The following TNS3 variants were observed in gnomAD, a reference collection of about 807,000 sequenced individuals.
The protein encoded by TNS3 is tensin 3.
A neutral mutation model predicts 140.9 loss-of-function variants in TNS3; 45 were observed. That is an observed-to-expected ratio of 0.32 (90% CI 0.25 to 0.41). The LOEUF (loss-of-function observed/expected upper bound fraction) is 0.41, where lower values mean the gene tolerates loss of function less well. Among genes scored for constraint, TNS3 ranks in the 10% least tolerant of loss-of-function variants. The pLI, the probability that TNS3 is intolerant of heterozygous loss-of-function variation, is 1.00. For missense variants in TNS3, 1,716 were observed against 1,906.7 expected, an observed-to-expected ratio of 0.90 and a Z score of 1.86; for synonymous variants, 815 against 788.4, an observed-to-expected ratio of 1.03 and a Z score of -0.56.
chr7:47,311,101 G>C (rs1398378446), intron 20 of TNS3, among the ~76,000 whole-genome samples: 3 of 152,170 alleles, frequency 2.0e-5, no homozygotes, highest in Non-Finnish European at 4.4e-5. Flanking sequence ...GGATCACTGG[G>C]TCAATAGTAT....
chr7:47,565,178 C>T (rs1183718433), intron 1 of TNS3, among the ~76,000 whole-genome samples: 7 of 151,044 alleles, frequency 4.6e-5, no homozygotes, highest in African/African-American at 1.7e-4. Flanking sequence ...CCTGGGTTCA[C>T]ACCATTCTCC....
chr7:47,472,312 T>C (rs1170775596), intron 4 of TNS3, among the ~76,000 whole-genome samples: 1 of 152,160 alleles, frequency 6.6e-6, no homozygotes, highest in African/African-American at 2.4e-5. Flanking sequence ...CTACAGATGG[T>C]TCTCTGGGAT....
At chr7:47,489,371 G>C (rs141866359) in intron 3 of TNS3, among the ~76,000 whole-genome samples, 1 of 152,164 alleles carries the variant, frequency 6.6e-6, no homozygotes, top group Non-Finnish European at 1.5e-5. Flanking sequence ...GCTTGGTCTC[G>C]GCTCTTCTCA....
At chr7:47,390,200 C>T (rs1197764296) in intron 16 of TNS3, among the ~76,000 whole-genome samples, 2 of 152,232 alleles carry the variant, frequency 1.3e-5, no homozygotes, top group Non-Finnish European at 2.9e-5. Flanking sequence ...CAGGTGCCAT[C>T]GGCCCCCTCC....
intron 2 of TNS3, among the ~76,000 whole-genome samples, chr7:47,525,261 G>A (rs1799151009): frequency 6.6e-6 from 1 of 152,216 alleles, no homozygotes. Flanking sequence ...ACTCCAGAGA[G>A]TTCCAAGAGG....
intron 2 of TNS3, among the ~76,000 whole-genome samples, chr7:47,516,136 A>T (rs889477371): frequency 5.3e-5 from 8 of 152,256 alleles, no homozygotes; most frequent in Non-Finnish European, 1.0e-4. Context: ...TGTATATGAC[A>T]TATGTGAATT....
chr7:47,416,933 G>A (rs1794111953), intron 10 of TNS3, among the ~76,000 whole-genome samples: 1 of 152,174 alleles, frequency 6.6e-6, no homozygotes, highest in African/African-American at 2.4e-5. Context: ...CCTGGTCACT[G>A]GGAAATCAGC....
At chr7:47,571,240 C>T (rs1347832099) in intron 1 of TNS3, among the ~76,000 whole-genome samples, 1 of 152,258 alleles carries the variant, frequency 6.6e-6, no homozygotes, top group Non-Finnish European at 1.5e-5. Context: ...TCGACAGCTA[C>T]TCCTAACAGC....
intron 16 of TNS3, among the ~76,000 whole-genome samples, chr7:47,389,108 GCAGAAGAAGAAGAAGAA>G (rs1792330285): frequency 3.4e-5 from 1 of 29,010 alleles, no homozygotes; most frequent in African/African-American, 1.5e-4. Context: ...GGAAGCGGAA[GCAGAAGAAGAAGAAGAA>G]GAAGAAGAAG....
At chr7:47,352,463 G>C (rs562528667) in intron 17 of TNS3, among the ~76,000 whole-genome samples, 1 of 152,196 alleles carries the variant, frequency 6.6e-6, no homozygotes, top group African/African-American at 2.4e-5. Context: ...CGGATGGTCC[G>C]TGATGGTGGA....
chr7:47,336,021 G>A (rs1011348192), intron 20 of TNS3, among the ~76,000 whole-genome samples: 9 of 152,266 alleles, frequency 5.9e-5, no homozygotes, highest in African/African-American at 2.2e-4. Flanking sequence ...GTTTCCAACA[G>A]CTGAGTGTTG....
Position 47,396,838 on chromosome 7 carries a change from C to T in TNS3, c.986G>A (p.Arg329His), listed in dbSNP as rs143025033. ...VDYNTTDPLI[R>H]WDSYENLSAD... The stretch of plus-strand genomic sequence containing the variant: ...ACTGAGGTTCTCGTACGAGTCCCAG[C>T]GTATCAGTGGGTCTGTTGTGTTGTA... The change falls in exon 16 of 31, where the codon CGC becomes CAC. Residue 329 changes from arginine to histidine, a missense_variant. This residue lies in a region of TNS3 where 1,163 missense variants were observed against 1,182.1 expected (regional missense o/e 0.98). Transcript: ENST00000311160. The T allele has an allele frequency of 3.1e-6, 5 of 1,614,186 alleles. No individual in the cohort carries two copies. Among genetic ancestry groups the T allele is most frequent in the East Asian group, 2.2e-5 (1 of 44,890 alleles).
At chr7:47,457,419 C>T (rs1291616522) in intron 4 of TNS3, among the ~76,000 whole-genome samples, 1 of 151,916 alleles carries the variant, frequency 6.6e-6, no homozygotes, top group African/African-American at 2.4e-5. Context: ...GCCTACAGCT[C>T]CTCCCCACTT....
Position 47,560,087 on chromosome 7 carries a change from T to C in TNS3, c.-265+21964A>G, listed in dbSNP as rs889640084. Among the ~76,000 whole-genome samples the C allele has an allele frequency of 5.9e-5, 9 of 152,190 alleles. No individual in the cohort carries two copies. The South Asian group carries it at 8.3e-4, about 14-fold the overall frequency. ...CCTCAAACTGGGCTTTTCTGCATCA[T>C]TGCCATGGTCAGAATGTCTGTGACC... On this transcript the variant is annotated intron_variant, in intron 1 of 30. Transcript: ENST00000311160.
intron 4 of TNS3, among the ~76,000 whole-genome samples, chr7:47,474,281 A>G (rs1026547809): frequency 8.0e-5 from 9 of 112,392 alleles, no homozygotes; most frequent in African/African-American, 3.8e-4. Context: ...TTCACACACA[A>G]CACACACACA....
intron 20 of TNS3, among the ~76,000 whole-genome samples, chr7:47,327,312 C>T (rs1788078507): frequency 6.6e-6 from 1 of 152,198 alleles, no homozygotes; most frequent in African/African-American, 2.4e-5. Context: ...TAGAAATACT[C>T]TCTTTGCTTG....
intron 1 of TNS3, among the ~76,000 whole-genome samples, chr7:47,567,799 A>G (rs1441249757): frequency 6.6e-6 from 1 of 152,216 alleles, no homozygotes; most frequent in Non-Finnish European, 1.5e-5. Context: ...GATAATCTAA[A>G]TAACTGAAAA....
At chr7:47,530,838 A>AAAAAAAAAAAAAAAAAAAAAATATAT in intron 1 of TNS3, among the ~76,000 whole-genome samples, 1 of 54,566 alleles carries the variant, frequency 1.8e-5, no homozygotes, top group East Asian at 4.9e-4. Flanking sequence ...AAAAAAAAAA[A>AAAAAAAAAAAAAAAAAAAAAATATAT]ATATATATAT....
At chr7:47,567,251 G>A (rs572385947) in intron 1 of TNS3, among the ~76,000 whole-genome samples, 2 of 152,210 alleles carry the variant, frequency 1.3e-5, no homozygotes, top group Admixed American at 6.5e-5. Context: ...ATCTACATGG[G>A]AAATGCCCAG....
Sources: gnomAD v4.1 joint callset for allele counts (sites outside exome capture counted in the v4.1 genomes callset) on GRCh38, gnomAD v4.1.1 for gene constraint, gnomAD v4.1.1 regional missense constraint, MANE v1.5 for transcripts, NCBI Gene and HGNC (gene_info 2026-07-23, HGNC 2026-07-21) for gene names.